The following MAF variants were observed in gnomAD, a reference collection of about 807,000 sequenced individuals.
MAF encodes MAF bZIP transcription factor.
Under a neutral mutation model 22.0 loss-of-function variants are expected in MAF, and 10 were observed. The ratio of observed to expected loss-of-function variants is 0.45; its 90% CI spans 0.28 to 0.77. MAF has a LOEUF of 0.77. MAF is among the 30% of genes least tolerant of loss of function. MAF has a pLI of 0.12. For synonymous variants in MAF, 337 were observed against 255.8 expected (o/e 1.32, Z -3.03); for missense variants, 544 against 548.4 (o/e 0.99, Z 0.08).
chr16:79,237,282 C>G, the MAF span, among the ~76,000 whole-genome samples: 1 of 152,190 alleles, frequency 6.6e-6, no homozygotes, highest in African/African-American at 2.4e-5. Context: ...AAGTATAAAT[C>G]CCGGGCACCA....
chr16:79,495,286 A>T, the MAF span, among the ~76,000 whole-genome samples: 1 of 151,898 alleles, frequency 6.6e-6, no homozygotes, highest in Non-Finnish European at 1.5e-5. Context: ...ACATAGTGAG[A>T]CCCCATCCCT....
At chr16:79,346,627 T>G in the MAF span, among the ~76,000 whole-genome samples, 2 of 151,800 alleles carry the variant, frequency 1.3e-5, no homozygotes, top group East Asian at 1.9e-4. Context: ...TTTTATTATT[T>G]GAGGTGAAAG....
chr16:79,434,622 A>T, the MAF span, among the ~76,000 whole-genome samples: 5,989 of 151,682 alleles, frequency 0.039, 155 homozygotes, highest in Non-Finnish European at 0.056. Flanking sequence ...TTTAAAGCAC[A>T]ATATATATTT....
the MAF span, among the ~76,000 whole-genome samples, chr16:79,579,575 GGGAAA>G: frequency 3.3e-5 from 5 of 152,060 alleles, no homozygotes; most frequent in African/African-American, 1.2e-4. Flanking sequence ...AAAGGAAAAA[GGGAAA>G]GAAAAGAAAA....
At chr16:79,298,773 G>A in the MAF span, among the ~76,000 whole-genome samples, 1 of 152,256 alleles carries the variant, frequency 6.6e-6, no homozygotes, top group Admixed American at 6.5e-5. Flanking sequence ...CGTGACGGAA[G>A]CTGGTGTGGA....
At chr16:79,394,446 CA>C in the MAF span, among the ~76,000 whole-genome samples, 1 of 152,196 alleles carries the variant, frequency 6.6e-6, no homozygotes, top group Non-Finnish European at 1.5e-5. Flanking sequence ...GAAGTCAGCT[CA>C]TGCATCTTTT....
At chr16:79,208,288 C>G in the MAF span, among the ~76,000 whole-genome samples, 1 of 152,102 alleles carries the variant, frequency 6.6e-6, no homozygotes, top group Non-Finnish European at 1.5e-5. Flanking sequence ...AACAACCTAA[C>G]TCATTGCCAT....
At chr16:79,537,310 G>C in the MAF span, among the ~76,000 whole-genome samples, 1 of 152,278 alleles carries the variant, frequency 6.6e-6, no homozygotes, top group Non-Finnish European at 1.5e-5. Flanking sequence ...ACTGATGAAA[G>C]CATCATCATC....
the MAF span, among the ~76,000 whole-genome samples, chr16:79,329,871 T>C: frequency 7.2e-5 from 11 of 152,148 alleles, no homozygotes; most frequent in Admixed American, 2.0e-4. Context: ...TCCTACTCAC[T>C]TCCTACATGG....
At chr16:79,285,784 C>T in the MAF span, among the ~76,000 whole-genome samples, 1 of 152,126 alleles carries the variant, frequency 6.6e-6, no homozygotes, top group South Asian at 2.1e-4. Flanking sequence ...GAGGTGACTT[C>T]CCCAACGTGA....
At chr16:79,259,315 C>T in the MAF span, among the ~76,000 whole-genome samples, 2 of 152,304 alleles carry the variant, frequency 1.3e-5, no homozygotes, top group South Asian at 4.1e-4. Context: ...TGGCCTCCTC[C>T]CCACTCACCA....
At chr16:79,258,020 G>A in the MAF span, among the ~76,000 whole-genome samples, 3 of 152,158 alleles carry the variant, frequency 2.0e-5, no homozygotes, top group Non-Finnish European at 4.4e-5. Flanking sequence ...AGAATAAAAT[G>A]TGACTCTGTT....
the MAF span, among the ~76,000 whole-genome samples, chr16:79,289,560 G>A: frequency 1.8e-4 from 28 of 152,250 alleles, 1 homozygote; most frequent in Middle Eastern, 6.8e-3. Flanking sequence ...TGGCACCTGT[G>A]CCTTATACTA....
At chr16:79,598,629 G>C in intron 1 of MAF, 156 bp downstream of exon 1, 1 of 1,498,770 alleles carries the variant, frequency 6.7e-7, no homozygotes, top group Non-Finnish European at 8.9e-7. Context: ...GTGCGGGTTT[G>C]TGTGTGTGTA....
the MAF span, among the ~76,000 whole-genome samples, chr16:79,245,712 T>C: frequency 1.3e-5 from 2 of 152,042 alleles, no homozygotes; most frequent in Non-Finnish European, 2.9e-5. Flanking sequence ...ACTGGGTATA[T>C]ACCCAAAGGA....
At chr16:79,569,360 C>A in the MAF span, among the ~76,000 whole-genome samples, 1 of 152,100 alleles carries the variant, frequency 6.6e-6, no homozygotes, top group Non-Finnish European at 1.5e-5. Context: ...CAGTTGAGAC[C>A]CATTGCTTTA....
downstream of MAF, among the ~76,000 whole-genome samples, chr16:79,581,224 A>G (rs1376319184): frequency 1.3e-5 from 2 of 152,232 alleles, no homozygotes; most frequent in Non-Finnish European, 2.9e-5. Flanking sequence ...TGCTATTCAG[A>G]ATGTTCAGCC....
chr16:79,454,785 C>T, the MAF span, among the ~76,000 whole-genome samples: 1 of 150,212 alleles, frequency 6.7e-6, no homozygotes, highest in Admixed American at 6.7e-5. Context: ...AAACATGATT[C>T]CATTTTTACC....
chr16:79,313,186 C>A, the MAF span, among the ~76,000 whole-genome samples: 1 of 152,136 alleles, frequency 6.6e-6, no homozygotes, highest in Non-Finnish European at 1.5e-5. Flanking sequence ...GCCTGGCACA[C>A]AGGCACTGGG....
Sources: allele counts gnomAD v4.1 joint callset (sites outside exome capture counted in the v4.1 genomes callset), GRCh38; gene constraint gnomAD v4.1.1; transcripts MANE v1.5; gene names NCBI Gene and HGNC (gene_info 2026-07-23, HGNC 2026-07-21).